NF1: variants seen among roughly 807,000 people sequenced by gnomAD.
NF1 encodes the protein neurofibromin.
Under a neutral mutation model 325.7 loss-of-function variants are expected in NF1, and 122 were observed. That is an observed-to-expected ratio of 0.37 (90% CI 0.32 to 0.44). The LOEUF (loss-of-function observed/expected upper bound fraction) is 0.44, where lower values mean the gene tolerates loss of function less well. Ranked by LOEUF, NF1 falls within the 20% of genes least tolerant of loss-of-function variation. NF1 has a pLI of 1.00. For synonymous variants in NF1, 1,091 were observed against 1,186.0 expected (o/e 0.92, Z 1.65); for missense variants, 2,140 against 3,415.4 (o/e 0.63, Z 9.31).
rs1162173842 is a variant in NF1, at chr17:31,206,309, G to A, written c.1330G>A (p.Gly444Ser). ...CHSVELRNMF[G>S]ETLHKAVQGC... ...CTCGGTTGAACTTCGAAATATGTTTGGTGAAACACTTCATAAAGCAGTGCA... is the reference window on the plus strand; with the variant it reads ...CTCGGTTGAACTTCGAAATATGTTTAGTGAAACACTTCATAAAGCAGTGCA... The change falls in exon 12 of 58, where the codon GGT becomes AGT. Residue 444 changes from glycine (G) to serine (S), a missense_variant. By Grantham distance (56) the Gly-to-Ser change is moderately conservative. This residue lies in a region of NF1 where 179 missense variants were observed against 381.0 expected (regional missense o/e 0.47). Transcript: ENST00000358273. The A allele has an allele frequency of 6.2e-7, 1 of 1,613,820 alleles. No individual in the cohort carries two copies. Among genetic ancestry groups the A allele is most frequent in the Non-Finnish European group, 8.5e-7 (1 of 1,179,794 alleles).
chr17:31,303,883 C>T (rs2068635180), intron 36 of NF1: 1 of 158,758 alleles, frequency 6.3e-6, no homozygotes, highest in Non-Finnish European at 1.4e-5. Context: ...TTATTCCTCT[C>T]CACCCTGGTC....
intron 36 of NF1, among the ~76,000 whole-genome samples, chr17:31,281,302 T>A (rs1434108741): frequency 6.6e-6 from 1 of 152,194 alleles, no homozygotes; most frequent in Non-Finnish European, 1.5e-5. Flanking sequence ...GTTGAAGGTA[T>A]CATCAGGGCA....
intron 1 of NF1, among the ~76,000 whole-genome samples, chr17:31,128,765 A>G (rs2143444519): frequency 6.6e-6 from 1 of 152,132 alleles, no homozygotes; most frequent in South Asian, 2.1e-4. Flanking sequence ...TACTAAATAT[A>G]CAAAAAATTA....
intron 49 of NF1, among the ~76,000 whole-genome samples, chr17:31,349,522 C>A (rs950316951): frequency 6.6e-6 from 1 of 152,158 alleles, no homozygotes; most frequent in Non-Finnish European, 1.5e-5. Context: ...GTCATAAAAT[C>A]TGAATGCTTC....
intron 29 of NF1, among the ~76,000 whole-genome samples, chr17:31,246,919 G>A (rs2067402111): frequency 6.6e-6 from 1 of 152,060 alleles, no homozygotes; most frequent in Non-Finnish European, 1.5e-5. Flanking sequence ...ACACTGGGCC[G>A]GGCACGGTGG....
intron 1 of NF1, among the ~76,000 whole-genome samples, chr17:31,119,974 T>C (rs923091392): frequency 2.0e-5 from 3 of 152,240 alleles, no homozygotes; most frequent in African/African-American, 4.8e-5. Context: ...TCTATGTATC[T>C]GTTTTGGTTT....
chr17:31,314,032 T>C, intron 36 of NF1: 1 of 398,140 alleles, frequency 2.5e-6, no homozygotes, highest in Non-Finnish European at 4.4e-6. Flanking sequence ...AACTGGACAT[T>C]TTGGTGATTT....
At position 31,153,029 on chromosome 17, in the gene NF1, T is replaced by A. The variant is rs79350016; in HGVS notation, c.61-2954T>A. Among the ~76,000 whole-genome samples, 382 of 151,836 alleles carry A rather than the reference T, an allele frequency of 2.5e-3. 1 individual carries two copies. The highest frequency in any genetic ancestry group is 0.02 in the Middle Eastern group (6 of 294). ...TTACTTTCATGAAATAAAAAAAAAA[T>A]GGTCTCATTCTTTCAGAGATCTCTT... On this transcript the variant is annotated intron_variant, in intron 1 of 57. Transcript: ENST00000358273.
rs1555606066 is a variant in NF1 at position 31,163,252 on chromosome 17, C to A, written c.355C>A (p.His119Asn). Reference protein sequence around the residue: ...LVKQLLPEICHFLHTCREGNQ... With the variant: ...LVKQLLPEICNFLHTCREGNQ... ...CAAACAGTTGCTGCCAGAAATCTGC[C>A]ATTTTCTTCACACCTGTCGTGAAGG... Residue 119 changes from histidine to asparagine, a missense_variant, in exon 4 of 58, where the codon CAT (histidine) becomes AAT (asparagine). Physicochemically the swap from His to Asn is moderately conservative, Grantham distance 68. Coordinates refer to ENST00000358273, the MANE Select transcript of NF1 (RefSeq NM_001042492.3). 1 of 1,614,120 alleles carries A rather than the reference C, an allele frequency of 6.2e-7. No homozygotes were observed.
At chr17:31,371,974 G>A (rs1451605219) in intron 57 of NF1, among the ~76,000 whole-genome samples, 1 of 152,218 alleles carries the variant, frequency 6.6e-6, no homozygotes, top group Non-Finnish European at 1.5e-5. Context: ...CTCCTAGAGG[G>A]AGGTCATCCC....
intron 15 of NF1, among the ~76,000 whole-genome samples, chr17:31,223,152 T>C (rs2066955944): frequency 6.6e-6 from 1 of 152,234 alleles, no homozygotes; most frequent in Admixed American, 6.5e-5. Flanking sequence ...TGGTTTATTG[T>C]TTCTTCTTAT....
chr17:31,373,915 C>G, intron 57 of NF1, 98 bp from the exon 58 acceptor site: 1 of 1,479,614 alleles, frequency 6.8e-7, no homozygotes, highest in Non-Finnish European at 9.4e-7. Context: ...ATGATTGTTT[C>G]CTAGAATGTG....
chr17:31,242,100 G>A (rs568704490), intron 29 of NF1, among the ~76,000 whole-genome samples: 34 of 151,650 alleles, frequency 2.2e-4, no homozygotes, highest in Non-Finnish European at 3.8e-4. Context: ...GAGAAGTCTG[G>A]GGCCAGACAT....
intron 24 of NF1, 69 bp downstream of exon 24, chr17:31,230,994 T>C: frequency 4.3e-6 from 5 of 1,159,432 alleles, no homozygotes; most frequent in Non-Finnish European, 6.3e-6. Context: ...TAATTACAGC[T>C]TTATACTTGT....
intron 1 of NF1, among the ~76,000 whole-genome samples, chr17:31,134,936 C>T (rs770434110): frequency 9.9e-5 from 15 of 152,110 alleles, no homozygotes; most frequent in African/African-American, 2.9e-4. Flanking sequence ...GGATGACACA[C>T]GGGTGTGGAT....
rs150710248 is a variant in NF1 at position 31,215,455 on chromosome 17, G to A, written c.1527+870G>A. Among the ~76,000 whole-genome samples, 122 of 152,292 alleles carry A rather than the reference G, an allele frequency of 8.0e-4. No homozygotes were observed. The East Asian group carries it at 0.014, about 17-fold the overall frequency. On this transcript the variant is annotated intron_variant, in intron 13 of 57. Coordinates refer to ENST00000358273, the MANE Select transcript of NF1 (RefSeq NM_001042492.3). ...TACCTACTAGCTATGTGATTTGGAT[G>A]ACTATTTAATCTTTCTATGCCTTAG...
chr17:31,220,889 G>A (rs2066910083), intron 14 of NF1, among the ~76,000 whole-genome samples: 1 of 152,028 alleles, frequency 6.6e-6, no homozygotes, highest in Non-Finnish European at 1.5e-5. Flanking sequence ...ATTTTAATTT[G>A]TGTTGTTTTT....
chr17:31,357,245 G>A, intron 53 of NF1, 24 bp from the exon 54 acceptor site: 1 of 1,604,528 alleles, frequency 6.2e-7, no homozygotes, highest in Non-Finnish European at 8.5e-7. Context: ...AATGTTGTGT[G>A]TTTACTTTTT....
At chr17:31,126,197 GAAAA>G (rs57773069) in intron 1 of NF1, among the ~76,000 whole-genome samples, 3 of 150,982 alleles carry the variant, frequency 2.0e-5, no homozygotes, top group Admixed American at 1.3e-4. Flanking sequence ...TAAAAAAAAA[GAAAA>G]AAAAATTATG....
Sources: gnomAD v4.1 joint callset for allele counts (sites outside exome capture counted in the v4.1 genomes callset) on GRCh38, gnomAD v4.1.1 for gene constraint, gnomAD v4.1.1 regional missense constraint, MANE v1.5 for transcripts, NCBI Gene and HGNC (gene_info 2026-07-23, HGNC 2026-07-21) for gene names.